The following KCNMA1 variants were observed in gnomAD, a reference collection of about 807,000 sequenced individuals.
KCNMA1 encodes potassium calcium-activated channel subfamily M alpha 1, also known as Calcium-activated potassium channel subunit alpha-1.
Under a neutral mutation model 140.0 loss-of-function variants are expected in KCNMA1, and 29 were observed. That is an observed-to-expected ratio of 0.21 (90% CI 0.15 to 0.28). The LOEUF (loss-of-function observed/expected upper bound fraction) is 0.28, where lower values mean the gene tolerates loss of function less well. Among genes scored for constraint, KCNMA1 ranks in the 10% least tolerant of loss-of-function variants. The pLI is 1.00. For missense variants in KCNMA1, 880 were observed against 1,602.2 expected (o/e 0.55, Z 7.70); for synonymous variants, 612 against 611.9 (o/e 1.00, Z 0.00).
intron 10 of KCNMA1, among the ~76,000 whole-genome samples, chr10:77,087,945 A>G (rs2096730541): frequency 1.3e-5 from 2 of 151,564 alleles, no homozygotes; most frequent in Admixed American, 1.3e-4. Context: ...TTATAAATAA[A>G]TAAGTAAAAT....
At chr10:77,565,873 A>T (rs2068091689) in intron 1 of KCNMA1, among the ~76,000 whole-genome samples, 1 of 151,654 alleles carries the variant, frequency 6.6e-6, no homozygotes, top group South Asian at 2.1e-4. Flanking sequence ...TCCCCCTGAG[A>T]TCCCCACATG....
intron 9 of KCNMA1, among the ~76,000 whole-genome samples, chr10:77,100,908 C>CT (rs138924864): frequency 0.019 from 2,882 of 151,202 alleles, 86 homozygotes; most frequent in African/African-American, 0.065. Flanking sequence ...TTGAATACGA[C>CT]TTTTTTTTTA....
At chr10:76,988,516 A>C (rs548148615) in intron 19 of KCNMA1, among the ~76,000 whole-genome samples, 2 of 152,256 alleles carry the variant, frequency 1.3e-5, no homozygotes, top group African/African-American at 2.4e-5. Flanking sequence ...TGACAGAAGG[A>C]GGTCCCATCT....
intron 20 of KCNMA1, among the ~76,000 whole-genome samples, chr10:76,959,816 C>T: frequency 6.6e-6 from 1 of 152,188 alleles, no homozygotes; most frequent in South Asian, 2.1e-4. Context: ...AATGTTGGTG[C>T]ACTAAAACTT....
intron 19 of KCNMA1, 22 bp from the exon 20 acceptor site, chr10:76,970,089 G>T: frequency 6.3e-7 from 1 of 1,596,456 alleles, no homozygotes; most frequent in Non-Finnish European, 8.6e-7. Context: ...GGCAGCTCAT[G>T]AGATTATGAA....
At chr10:76,983,713 T>G (rs923949536) in intron 19 of KCNMA1, among the ~76,000 whole-genome samples, 1 of 143,978 alleles carries the variant, frequency 6.9e-6, no homozygotes, top group Admixed American at 7.1e-5. Context: ...GATGACACAG[T>G]GAGACACTGT....
At chr10:77,130,556 AT>A (rs1281565421) in intron 5 of KCNMA1, among the ~76,000 whole-genome samples, 1 of 152,210 alleles carries the variant, frequency 6.6e-6, no homozygotes, top group East Asian at 1.9e-4. Context: ...ACCAACATAA[AT>A]TATTCATCAA....
chr10:77,636,626 T>C, intron 1 of KCNMA1: 1 of 1,536,056 alleles, frequency 6.5e-7, no homozygotes, highest in East Asian at 2.4e-5. Context: ...ATTCCAAAAG[T>C]GGCAGCCCCG....
chr10:77,404,327 G>A (rs1343929778), intron 1 of KCNMA1, among the ~76,000 whole-genome samples: 3 of 152,164 alleles, frequency 2.0e-5, no homozygotes, highest in Admixed American at 1.3e-4. Context: ...CACCCAGGCT[G>A]GAGTGCAGTG....
At chr10:77,124,717 C>T (rs544385609) in intron 5 of KCNMA1, among the ~76,000 whole-genome samples, 1 of 152,248 alleles carries the variant, frequency 6.6e-6, no homozygotes, top group African/African-American at 2.4e-5. Flanking sequence ...TGAAGTTCTC[C>T]ATAGGTTAAA....
intron 9 of KCNMA1, among the ~76,000 whole-genome samples, chr10:77,099,762 C>T (rs1393002905): frequency 2.0e-5 from 3 of 151,402 alleles, no homozygotes; most frequent in African/African-American, 4.9e-5. Context: ...AGGCATGATA[C>T]GAGGCATGAC....
chr10:77,026,116 G>C (rs1207397602), intron 16 of KCNMA1, among the ~76,000 whole-genome samples: 1 of 151,982 alleles, frequency 6.6e-6, no homozygotes, highest in Non-Finnish European at 1.5e-5. Flanking sequence ...TCTTCAGGGA[G>C]TGCTCTGAGT....
chr10:77,331,296 T>C (rs560253702), intron 2 of KCNMA1, among the ~76,000 whole-genome samples: 2 of 152,282 alleles, frequency 1.3e-5, no homozygotes, highest in Non-Finnish European at 2.9e-5. Context: ...TGCTTATCCT[T>C]ATATTTAATT....
chr10:77,230,859 A>G (rs1204925286), intron 3 of KCNMA1, among the ~76,000 whole-genome samples: 1 of 152,126 alleles, frequency 6.6e-6, no homozygotes, highest in Non-Finnish European at 1.5e-5. Flanking sequence ...AAACACCCTT[A>G]GCTCTATCAA....
chr10:77,556,866 G>A (rs151192172), intron 1 of KCNMA1, among the ~76,000 whole-genome samples: 3 of 152,246 alleles, frequency 2.0e-5, no homozygotes, highest in Admixed American at 6.5e-5. Context: ...TCCAGCCTCC[G>A]GCCCATCAAT....
At chr10:77,490,718 G>A (rs910650046) in intron 1 of KCNMA1, among the ~76,000 whole-genome samples, 2 of 152,176 alleles carry the variant, frequency 1.3e-5, no homozygotes, top group Non-Finnish European at 2.9e-5. Context: ...TTCCAACACA[G>A]AAACAGTCTA....
intron 5 of KCNMA1, among the ~76,000 whole-genome samples, chr10:77,132,786 T>C (rs903057894): frequency 6.6e-6 from 1 of 152,170 alleles, no homozygotes; most frequent in Non-Finnish European, 1.5e-5. Flanking sequence ...ATCTTTACAA[T>C]TCTCAGGACA....
At chr10:77,413,232 G>A (rs1467209401) in intron 1 of KCNMA1, among the ~76,000 whole-genome samples, 3 of 152,114 alleles carry the variant, frequency 2.0e-5, no homozygotes, top group Non-Finnish European at 4.4e-5. Context: ...TTTGGCCTAA[G>A]ATCCAGAAGT....
chr10:77,467,234 T>A (rs1603626599), intron 1 of KCNMA1, among the ~76,000 whole-genome samples: 1 of 152,310 alleles, frequency 6.6e-6, no homozygotes, highest in East Asian at 1.9e-4. Context: ...AGTGACTGTG[T>A]CAGTTTTCAT....
Sources: gnomAD v4.1 joint callset for allele counts (sites outside exome capture counted in the v4.1 genomes callset) on GRCh38, gnomAD v4.1.1 for gene constraint, MANE v1.5 for transcripts, NCBI Gene and HGNC (gene_info 2026-07-23, HGNC 2026-07-21) for gene names.